The following WIPF3 variants were observed in gnomAD, a reference collection of about 807,000 sequenced individuals.
WIPF3 encodes WAS/WASL-interacting protein family member 3.
In WIPF3, 33 loss-of-function variants were observed where a neutral mutation model predicts 38.9. The observed-to-expected ratio is 0.85, with a 90% CI of 0.64 to 1.14. The LOEUF is 1.14. WIPF3 is among the 50% of genes most tolerant of loss of function. WIPF3 has a pLI of 0.00. For missense variants in WIPF3, 711 were observed against 652.5 expected (o/e 1.09, Z -0.98); for synonymous variants, 324 against 269.3 (o/e 1.20, Z -1.99).
In WIPF3 at chr7:29,883,894, A is replaced by G. The variant is rs1344453935; in HGVS notation, c.400A>G (p.Arg134Gly). Residue 134 changes from arginine (R) to glycine (G), a missense_variant, in exon 5 of 9, where the codon AGG becomes GGG. Arg to Gly is a moderately radical substitution (Grantham distance 125, BLOSUM62 -2). Coordinates refer to ENST00000242140, the MANE Select transcript of WIPF3 (RefSeq NM_001080529.3). ...CCCTGGCTCCCGCGCGCCCTCTCCC[A>G]GGCTTCCCAACAAAACCATCAGCGG... ...QGPGSRAPSP[R>G]LPNKTISGPL... 5.7e-6 allele frequency: 9 copies of G among 1,579,810 alleles called. No homozygotes were observed. Among genetic ancestry groups the G allele is most frequent in the South Asian group, 1.2e-5 (1 of 85,634 alleles).
intron 1 of WIPF3, among the ~76,000 whole-genome samples, chr7:29,818,846 T>C (rs1784495906): frequency 6.6e-6 from 1 of 152,196 alleles, no homozygotes; most frequent in South Asian, 2.1e-4. Flanking sequence ...ATGTTATAGA[T>C]ATTTAGAGGC....
intron 7 of WIPF3, among the ~76,000 whole-genome samples, chr7:29,902,271 C>CT (rs1462394988): frequency 4.7e-5 from 5 of 106,522 alleles, no homozygotes; most frequent in South Asian, 6.7e-4. Context: ...TCTTCTTCTT[C>CT]TTCTTTTTTT....
chr7:29,901,825 C>CAAAAAAAAAAAAA (rs869296187), intron 7 of WIPF3, among the ~76,000 whole-genome samples: 3 of 82,596 alleles, frequency 3.6e-5, no homozygotes, highest in Non-Finnish European at 6.4e-5. Context: ...GTCCCTGTCT[C>CAAAAAAAAAAAAA]AAAAAAAAAA....
At chr7:29,834,609 A>T in intron 1 of WIPF3, 59 bp from the exon 2 acceptor site, 1 of 1,338,096 alleles carries the variant, frequency 7.5e-7, no homozygotes, top group East Asian at 3.1e-5. Context: ...CAAGATACAC[A>T]TTTCCTGCAT....
intron 2 of WIPF3, among the ~76,000 whole-genome samples, chr7:29,851,294 T>C (rs1785091629): frequency 6.6e-6 from 1 of 152,180 alleles, no homozygotes; most frequent in Non-Finnish European, 1.5e-5. Flanking sequence ...CTTCCTGGTG[T>C]CTGCGATGTT....
At chr7:29,868,845 C>G (rs1217628510) in intron 2 of WIPF3, among the ~76,000 whole-genome samples, 1 of 152,024 alleles carries the variant, frequency 6.6e-6, no homozygotes, top group Non-Finnish European at 1.5e-5. Flanking sequence ...CTAACCATAT[C>G]TAAACATAGG....
intron 1 of WIPF3, among the ~76,000 whole-genome samples, chr7:29,811,869 C>A (rs544519742): frequency 6.6e-6 from 1 of 152,152 alleles, no homozygotes; most frequent in African/African-American, 2.4e-5. Context: ...TTACTGAGTG[C>A]CTGGAAGAGC....
intron 7 of WIPF3, among the ~76,000 whole-genome samples, chr7:29,900,828 G>A (rs898484944): frequency 1.8e-4 from 27 of 152,310 alleles, no homozygotes; most frequent in African/African-American, 5.5e-4. Context: ...TCTGCCCTGG[G>A]GTCCAGCACT....
chr7:29,830,361 G>A (rs1292475795), intron 1 of WIPF3, among the ~76,000 whole-genome samples: 1 of 151,812 alleles, frequency 6.6e-6, no homozygotes, highest in Non-Finnish European at 1.5e-5. Context: ...TTTGCAAAAT[G>A]GAAGCAGGGA....
At chr7:29,876,890 T>G (rs554603746) in intron 3 of WIPF3, among the ~76,000 whole-genome samples, 1 of 152,282 alleles carries the variant, frequency 6.6e-6, no homozygotes, top group African/African-American at 2.4e-5. Context: ...GGGAGCCTCT[T>G]TGAGGATGTT....
intron 4 of WIPF3, among the ~76,000 whole-genome samples, chr7:29,882,353 T>G (rs903459280): frequency 2.0e-5 from 3 of 152,250 alleles, no homozygotes; most frequent in Non-Finnish European, 4.4e-5. Context: ...CTCCTCGTCA[T>G]CTTTTTGTAT....
chr7:29,909,324 A>G (rs1786461356), intron 8 of WIPF3, among the ~76,000 whole-genome samples: 1 of 152,174 alleles, frequency 6.6e-6, no homozygotes, highest in South Asian at 2.1e-4. Flanking sequence ...GAAATAGAGA[A>G]CAGAAAAACA....
At chr7:29,900,872 A>C (rs1377211741) in intron 7 of WIPF3, among the ~76,000 whole-genome samples, 1 of 152,202 alleles carries the variant, frequency 6.6e-6, no homozygotes, top group Non-Finnish European at 1.5e-5. Context: ...CTCCACTCTG[A>C]TGCCAGGGCA....
At chr7:29,900,118 A>G (rs1403877215) in intron 7 of WIPF3, among the ~76,000 whole-genome samples, 3 of 151,964 alleles carry the variant, frequency 2.0e-5, no homozygotes, top group Non-Finnish European at 2.9e-5. Context: ...TTGTATTTTT[A>G]GTAGAGATGC....
At chr7:29,839,669 G>A (rs769517664) in intron 2 of WIPF3, among the ~76,000 whole-genome samples, 31 of 152,080 alleles carry the variant, frequency 2.0e-4, no homozygotes, top group African/African-American at 4.8e-4. Flanking sequence ...GTTTTTTATC[G>A]TCCTCCAGCT....
At chr7:29,903,868 C>G (rs1166124974) in intron 7 of WIPF3, among the ~76,000 whole-genome samples, 14 of 152,076 alleles carry the variant, frequency 9.2e-5, no homozygotes, top group Admixed American at 7.9e-4. Flanking sequence ...TCATATGTAA[C>G]TTGTGTAATA....
Position 29,888,197 on chromosome 7 carries a change from A to G in WIPF3, c.1229A>G (p.Asn410Ser), listed in dbSNP as rs1785925474. Residue 410 changes from asparagine to serine, a missense_variant, in exon 6 of 9, where the codon AAT becomes AGT. Transcript: ENST00000242140. Reference sequence around the variant, plus strand: ...CAGCAGCCTGGAGGTCAACTGCGAAATGGAAGCCTGCACATCATTGGTAAG... The same window carrying G: ...CAGCAGCCTGGAGGTCAACTGCGAAGTGGAAGCCTGCACATCATTGGTAAG... The part of the protein sequence containing the change: ...PTQQPGGQLR[N>S]GSLHIIDDFE... 1.2e-6 allele frequency: 2 copies of G among 1,610,918 alleles called. No individual in the cohort carries two copies. Among genetic ancestry groups the G allele is most frequent in the Non-Finnish European group, 8.5e-7 (1 of 1,178,596 alleles).
intron 7 of WIPF3, 95 bp downstream of exon 7, chr7:29,889,502 G>A: frequency 2.2e-6 from 2 of 899,208 alleles, no homozygotes; most frequent in East Asian, 2.6e-5. Context: ...TCTAAAGGAT[G>A]ATGTCATGAT....
chr7:29,822,127 T>TTTG (rs1041200518), intron 1 of WIPF3, among the ~76,000 whole-genome samples: 30 of 145,840 alleles, frequency 2.1e-4, no homozygotes, highest in Admixed American at 1.4e-3. Flanking sequence ...TTCTTAGTTT[T>TTTG]TTTTTTTTTT....
Sources: gnomAD v4.1 joint callset for allele counts (sites outside exome capture counted in the v4.1 genomes callset) on GRCh38, gnomAD v4.1.1 for gene constraint, MANE v1.5 for transcripts, NCBI Gene and HGNC (gene_info 2026-07-23, HGNC 2026-07-21) for gene names.